MASP1: variants seen among roughly 807,000 people sequenced by gnomAD.
MASP1 encodes MBL associated serine protease 1.
In MASP1, 59 loss-of-function variants were observed where a neutral mutation model predicts 77.1. The observed-to-expected ratio is 0.77, with a 90% CI of 0.62 to 0.95. The LOEUF is 0.95. Among genes scored for constraint, MASP1 ranks in the 40% least tolerant of loss-of-function variants. The probability of loss-of-function intolerance (pLI) is 0.00; values close to 1 mark genes in which losing one functional copy is unlikely to be tolerated. For missense variants in MASP1, 885 were observed against 912.9 expected, an observed-to-expected ratio of 0.97 and a Z score of 0.39; for synonymous variants, 362 against 354.5, an observed-to-expected ratio of 1.02 and a Z score of -0.24.
At chr3:187,233,035 G>A (rs1031014876), downstream of MASP1, among the ~76,000 whole-genome samples, 1 of 152,114 alleles carries the variant, frequency 6.6e-6, no homozygotes, top group Non-Finnish European at 1.5e-5. Flanking sequence ...CACTTAAATC[G>A]ATTTAAACTG....
Position 187,236,506 on chromosome 3 carries a change from A to G in MASP1, c.1365T>C (p.Asn455=). Residue 455 remains asparagine, a synonymous_variant, in exon 11 of 11, where the codon AAT becomes AAC. Coordinates refer to ENST00000296280, the MANE Select transcript of MASP1 (RefSeq NM_139125.4). ...GCCACGGGAAGAGGCCAGGCTCAGC[A>G]TTTCGGCCCCCAATGATCCTCTTGA... ...SLVKRIIGGR[N]AEPGLFPWQA... 6.2e-7 allele frequency: 1 copy of G among 1,614,008 alleles called. No individual in the cohort carries two copies. The highest frequency in any genetic ancestry group is 1.3e-5 in the African/African-American group (1 of 75,032).
At chr3:187,232,956 C>T (rs1449260789), downstream of MASP1, among the ~76,000 whole-genome samples, 1 of 152,174 alleles carries the variant, frequency 6.6e-6, no homozygotes, top group African/African-American at 2.4e-5. Context: ...GGTGAGACTT[C>T]ACTATCACGT....
chr3:187,246,611 A>G (rs1309403428), intron 8 of MASP1: 7 of 985,636 alleles, frequency 7.1e-6, no homozygotes, highest in South Asian at 4.7e-5. Context: ...TTTCTCTATC[A>G]CTGTTTAGGA....
chr3:187,236,546 G>C lies in MASP1; in HGVS notation c.1325C>G (p.Ser442Cys). 6.2e-7 allele frequency: 1 copy of C among 1,613,996 alleles called. No homozygotes were observed. The highest frequency in any genetic ancestry group is 8.5e-7 in the Non-Finnish European group (1 of 1,179,956). Reference sequence around the variant, plus strand: ...GATCCTCTTGACCAGGCTTGGCAGGGAGCGGGAGGGCTGACCACACTCTGT... The same window carrying C: ...GATCCTCTTGACCAGGCTTGGCAGGCAGCGGGAGGGCTGACCACACTCTGT... ...CLPECGQPSR[S>C]LPSLVKRIIG... Residue 442 changes from serine to cysteine, a missense_variant, in exon 11 of 11, where the codon TCC (serine) becomes TGC (cysteine). Ser to Cys is a moderately radical substitution (Grantham distance 112, BLOSUM62 -1). Coordinates refer to ENST00000296280, the MANE Select transcript of MASP1 (RefSeq NM_139125.4).
At chr3:187,241,379 C>A in intron 10 of MASP1, 102 bp downstream of exon 10, 1 of 909,208 alleles carries the variant, frequency 1.1e-6, no homozygotes, top group Non-Finnish European at 1.8e-6. Flanking sequence ...ACCAAAGCAT[C>A]ACCTCCCCTG....
chr3:187,268,963 G>A (rs1560026532), intron 2 of MASP1, among the ~76,000 whole-genome samples: 1 of 152,036 alleles, frequency 6.6e-6, no homozygotes, highest in Non-Finnish European at 1.5e-5. Context: ...TACTCAGGAG[G>A]CTGAGGCAGA....
chr3:187,217,575 A>T (rs1278713241), exon 16 of MASP1: 1 of 152,204 alleles, frequency 6.6e-6, no homozygotes, highest in Non-Finnish European at 1.5e-5. Context: ...ATGAGCTGCA[A>T]TTGGGGGTAG....
chr3:187,235,525 C>A lies in MASP1; in HGVS notation c.*159G>T. 6.5e-7 allele frequency: 1 copy of A among 1,533,852 alleles called. No individual in the cohort carries two copies. The highest frequency in any genetic ancestry group is 8.7e-7 in the Non-Finnish European group (1 of 1,146,994). On this transcript the variant is annotated 3_prime_UTR_variant, in exon 11 of 11. Transcript: ENST00000296280. Reference sequence around the variant, plus strand: ...CCTGGAGCCTTTTCCCTATACCACACTCTGCCTCTCAGGGTCCTGGGGGCT... The same window carrying A: ...CCTGGAGCCTTTTCCCTATACCACAATCTGCCTCTCAGGGTCCTGGGGGCT...
At chr3:187,241,391 C>G in intron 10 of MASP1, 90 bp downstream of exon 10, 1 of 983,590 alleles carries the variant, frequency 1.0e-6, no homozygotes, top group Non-Finnish European at 1.7e-6. Flanking sequence ...CCTCCCCTGT[C>G]CCCCATCACC....
chr3:187,241,475 A>C lies in MASP1; in HGVS notation c.1303+6T>G, dbSNP rs778764998. On this transcript the variant is annotated splice_donor_region_variant and intron_variant, in intron 10 of 10. Coordinates refer to ENST00000296280, the MANE Select transcript of MASP1 (RefSeq NM_139125.4). Reference sequence around the variant, plus strand: ...TGTGAGGCAAAGGATTTGGAGGGTGAGGTACCTGGAAGGCAGGTGGGTAGG... The same window carrying C: ...TGTGAGGCAAAGGATTTGGAGGGTGCGGTACCTGGAAGGCAGGTGGGTAGG... 22 of 1,612,686 alleles carry C rather than the reference A, an allele frequency of 1.4e-5. No individual in the cohort carries two copies. The highest frequency in any genetic ancestry group is 1.9e-5 in the Non-Finnish European group (22 of 1,178,872).
chr3:187,219,014 C>T (rs1190856267), exon 16 of MASP1: 1 of 152,256 alleles, frequency 6.6e-6, no homozygotes, highest in Non-Finnish European at 1.5e-5. Flanking sequence ...GAGGCCAGGG[C>T]CCAGAGCAGA....
intron 2 of MASP1, among the ~76,000 whole-genome samples, chr3:187,278,802 A>G (rs1717174381): frequency 6.6e-6 from 1 of 152,174 alleles, no homozygotes; most frequent in Admixed American, 6.5e-5. Context: ...GCTTTCTTGA[A>G]GTATACTACG....
At chr3:187,256,177 G>T (rs1253609787) in intron 5 of MASP1, among the ~76,000 whole-genome samples, 1 of 152,122 alleles carries the variant, frequency 6.6e-6, no homozygotes, top group Non-Finnish European at 1.5e-5. Flanking sequence ...CCGCAAGTGG[G>T]CCCAGCAGCA....
At chr3:187,225,628 C>G (rs913437643) in intron 12 of MASP1, 2 of 963,984 alleles carry the variant, frequency 2.1e-6, no homozygotes, top group African/African-American at 1.6e-5. Flanking sequence ...AGCCCTTTCA[C>G]TGCCTTCATC....
intron 2 of MASP1, among the ~76,000 whole-genome samples, chr3:187,270,553 A>G (rs1224501661): frequency 6.6e-6 from 1 of 152,168 alleles, no homozygotes; most frequent in Non-Finnish European, 1.5e-5. Flanking sequence ...TGCCCATGCT[A>G]TACTCAAAAT....
intron 10 of MASP1, among the ~76,000 whole-genome samples, chr3:187,238,681 G>T (rs1222219382): frequency 6.6e-6 from 1 of 152,158 alleles, no homozygotes; most frequent in Non-Finnish European, 1.5e-5. Flanking sequence ...AAATGGCTCG[G>T]CATTGCTTAT....
chr3:187,237,768 A>G (rs888022342), intron 10 of MASP1, among the ~76,000 whole-genome samples: 5 of 152,202 alleles, frequency 3.3e-5, no homozygotes, highest in Admixed American at 1.3e-4. Context: ...TAGACCTACT[A>G]TGAGTGTGGG....
intron 10 of MASP1, among the ~76,000 whole-genome samples, chr3:187,238,273 C>A (rs1041859268): frequency 6.6e-6 from 1 of 152,240 alleles, no homozygotes; most frequent in South Asian, 2.1e-4. Flanking sequence ...AGCTAATTTA[C>A]AGATGGAAAC....
chr3:187,289,179 C>T (rs1718099885), intron 1 of MASP1, among the ~76,000 whole-genome samples: 1 of 140,874 alleles, frequency 7.1e-6, no homozygotes, highest in Non-Finnish European at 1.5e-5. Context: ...CAGAGGCCCC[C>T]CGTAGGAACA....
Sources: allele counts gnomAD v4.1 joint callset (sites outside exome capture counted in the v4.1 genomes callset), GRCh38; gene constraint gnomAD v4.1.1; transcripts MANE v1.5; gene names NCBI Gene and HGNC (gene_info 2026-07-23, HGNC 2026-07-21).